Variants in KCNH1 observed in about 807,000 individuals in gnomAD.
KCNH1 encodes the protein voltage-gated delayed rectifier potassium channel KCNH1.
KCNH1 carries 27 observed loss-of-function variants against 69.2 expected under a neutral mutation model. That is an observed-to-expected ratio of 0.39 (90% CI 0.29 to 0.54). KCNH1 has a LOEUF of 0.54. Ranked by LOEUF, KCNH1 falls within the 20% of genes least tolerant of loss-of-function variation. The probability of loss-of-function intolerance (pLI) is 0.68; values close to 1 mark genes in which losing one functional copy is unlikely to be tolerated. For missense variants in KCNH1, 798 were observed against 1,261.6 expected (o/e 0.63, Z 5.57); for synonymous variants, 456 against 487.7 (o/e 0.93, Z 0.86).
At chr1:210,862,090 T>C (rs1261031745) in intron 7 of KCNH1, 3 of 902,814 alleles carry the variant, frequency 3.3e-6, no homozygotes, top group African/African-American at 1.6e-5. Flanking sequence ...AGGCCAATAC[T>C]GTGTTATATT....
chr1:210,871,723 TA>T, intron 7 of KCNH1, among the ~76,000 whole-genome samples: 1 of 151,436 alleles, frequency 6.6e-6, no homozygotes, highest in East Asian at 2.0e-4. Flanking sequence ...TATGCAGCCA[TA>T]AAAAAGGATG....
intron 7 of KCNH1, among the ~76,000 whole-genome samples, chr1:210,841,029 C>T (rs1474844483): frequency 6.6e-6 from 1 of 152,074 alleles, no homozygotes; most frequent in African/African-American, 2.4e-5. Flanking sequence ...TGGGGCAAAA[C>T]AGAGCGGTAG....
chr1:210,841,852 G>A (rs116191494), intron 7 of KCNH1, among the ~76,000 whole-genome samples: 2,679 of 152,228 alleles, frequency 0.018, 77 homozygotes, highest in African/African-American at 0.06. Flanking sequence ...GGGGACCAGG[G>A]ACAGAGACTT....
At chr1:210,718,492 G>GTACATATATT (rs1682345743) in intron 10 of KCNH1, among the ~76,000 whole-genome samples, 1 of 20,942 alleles carries the variant, frequency 4.8e-5, no homozygotes, top group African/African-American at 2.8e-4. Flanking sequence ...ATACATATAT[G>GTACATATATT]TATATATATA....
chr1:210,750,900 T>C (rs914372565), intron 10 of KCNH1, among the ~76,000 whole-genome samples: 3 of 152,028 alleles, frequency 2.0e-5, no homozygotes, highest in Non-Finnish European at 4.4e-5. Context: ...ATGAACACAA[T>C]TGAGGTTAAG....
chr1:210,913,801 C>G (rs1190537708), intron 7 of KCNH1, among the ~76,000 whole-genome samples: 6 of 152,208 alleles, frequency 3.9e-5, no homozygotes, highest in Non-Finnish European at 8.8e-5. Context: ...TACTCAGGCA[C>G]ATGACCACTC....
chr1:211,129,338 T>C (rs531462127), intron 1 of KCNH1, among the ~76,000 whole-genome samples: 2 of 152,292 alleles, frequency 1.3e-5, no homozygotes, highest in African/African-American at 4.8e-5. Flanking sequence ...GGTCCAACCA[T>C]ATATGCAGAG....
At chr1:211,080,545 T>C (rs1690832645) in intron 5 of KCNH1, among the ~76,000 whole-genome samples, 1 of 152,200 alleles carries the variant, frequency 6.6e-6, no homozygotes. Context: ...GCTGGAGGCA[T>C]CATGCTACCT....
intron 6 of KCNH1, among the ~76,000 whole-genome samples, chr1:210,932,312 T>C (rs1687693318): frequency 6.6e-6 from 1 of 152,086 alleles, no homozygotes; most frequent in African/African-American, 2.4e-5. Context: ...GAAAGGATGA[T>C]AACTACTACC....
At chr1:211,077,447 C>T (rs1217218685) in intron 5 of KCNH1, among the ~76,000 whole-genome samples, 1 of 152,098 alleles carries the variant, frequency 6.6e-6, no homozygotes, top group Non-Finnish European at 1.5e-5. Context: ...GAGTGGGGGC[C>T]AATATTCAAC....
At chr1:211,049,607 A>T (rs1358425045) in intron 5 of KCNH1, among the ~76,000 whole-genome samples, 1 of 152,138 alleles carries the variant, frequency 6.6e-6, no homozygotes, top group East Asian at 1.9e-4. Context: ...TTTAAGTAAG[A>T]TAGTTTCATA....
chr1:211,045,014 C>A (rs1459257011), intron 5 of KCNH1, among the ~76,000 whole-genome samples: 8 of 76,120 alleles, frequency 1.1e-4, no homozygotes, highest in Non-Finnish European at 1.7e-4. Context: ...CAATGCCCAA[C>A]AATCAATGTG....
Position 210,920,079 on chromosome 1 carries a change from G to C in KCNH1, c.1033-10C>G. On this transcript the variant is annotated splice_polypyrimidine_tract_variant and intron_variant, in intron 6 of 10. Transcript: ENST00000271751. ...ACAGGCTGCTGATGCCCTGGGAGAA[G>C]AGGAACACAGCGTCAGGGCCAAAGA... 2.5e-6 allele frequency: 4 copies of C among 1,608,696 alleles called. No individual in the cohort carries two copies. In the South Asian group the frequency reaches 4.4e-5, roughly 18 times the overall value.
At chr1:211,006,882 A>C (rs764870348) in intron 6 of KCNH1, among the ~76,000 whole-genome samples, 8 of 152,166 alleles carry the variant, frequency 5.3e-5, no homozygotes, top group African/African-American at 1.7e-4. Flanking sequence ...TTGAGATAAT[A>C]AAATGGACAA....
intron 9 of KCNH1, among the ~76,000 whole-genome samples, chr1:210,783,181 G>A (rs1684024737): frequency 6.6e-6 from 1 of 152,208 alleles, no homozygotes; most frequent in Non-Finnish European, 1.5e-5. Context: ...GAGGTTAAAT[G>A]ATTGCCTGTG....
chr1:210,685,217 C>T (rs541716655), intron 10 of KCNH1, among the ~76,000 whole-genome samples: 80 of 152,068 alleles, frequency 5.3e-4, no homozygotes, highest in African/African-American at 1.7e-3. Context: ...GACTCTGGGA[C>T]GTGTTTTGAC....
intron 5 of KCNH1, among the ~76,000 whole-genome samples, chr1:211,035,882 T>C (rs549869227): frequency 3.9e-4 from 59 of 152,312 alleles, no homozygotes; most frequent in African/African-American, 1.3e-3. Context: ...TCAGAAAGAT[T>C]TCCCTGAGAC....
intron 6 of KCNH1, among the ~76,000 whole-genome samples, chr1:210,959,363 A>C (rs1422948261): frequency 6.6e-6 from 1 of 152,174 alleles, no homozygotes; most frequent in Non-Finnish European, 1.5e-5. Flanking sequence ...CAGTTAGGCC[A>C]CATGGGGGCC....
At chr1:210,860,240 A>C (rs1244623420) in intron 7 of KCNH1, 6 of 1,468,436 alleles carry the variant, frequency 4.1e-6, no homozygotes, top group Non-Finnish European at 3.8e-6. Context: ...TCTTGCTGAA[A>C]GACTTCAAAT....
Sources: allele counts gnomAD v4.1 joint callset (sites outside exome capture counted in the v4.1 genomes callset), GRCh38; gene constraint gnomAD v4.1.1; transcripts MANE v1.5; gene names NCBI Gene and HGNC (gene_info 2026-07-23, HGNC 2026-07-21).